The following PKIB variants were observed in gnomAD, a reference collection of about 807,000 sequenced individuals.
The protein encoded by PKIB is PKI-beta.
PKIB carries 2 observed loss-of-function variants against 4.5 expected under a neutral mutation model. That is an observed-to-expected ratio of 0.44 (90% CI 0.18 to 1.39). The LOEUF is 1.39. Among genes scored for constraint, PKIB ranks in the 40% most tolerant of loss-of-function variants. The pLI, the probability that PKIB is intolerant of heterozygous loss-of-function variation, is 0.27. For synonymous variants in PKIB, 38 were observed against 36.0 expected (o/e 1.06, Z -0.20); for missense variants, 94 against 92.6 (o/e 1.02, Z -0.06).
chr6:122,540,027 T>G (rs1777542162), intron 2 of PKIB, among the ~76,000 whole-genome samples: 1 of 152,028 alleles, frequency 6.6e-6, no homozygotes, highest in South Asian at 2.1e-4. Context: ...GGTGGTGATA[T>G]CCCCTTTATC....
chr6:122,703,634 G>A (rs1191067070), intron 3 of PKIB, among the ~76,000 whole-genome samples: 2 of 151,868 alleles, frequency 1.3e-5, no homozygotes, highest in African/African-American at 4.8e-5. Flanking sequence ...CAGCTGATTA[G>A]ACACAGCTGA....
chr6:122,595,746 C>G (rs1409757324), intron 3 of PKIB, among the ~76,000 whole-genome samples: 1 of 152,172 alleles, frequency 6.6e-6, no homozygotes, highest in Non-Finnish European at 1.5e-5. Context: ...AGTGAAAGTC[C>G]ATGTTGCTGA....
At chr6:122,537,571 T>C (rs984125838) in intron 2 of PKIB, among the ~76,000 whole-genome samples, 3 of 152,196 alleles carry the variant, frequency 2.0e-5, no homozygotes, top group Non-Finnish European at 2.9e-5. Context: ...CTTCATCCAG[T>C]CTATCGTTGT....
intron 2 of PKIB, among the ~76,000 whole-genome samples, chr6:122,571,612 T>G (rs1284912395): frequency 6.6e-6 from 1 of 152,096 alleles, no homozygotes; most frequent in African/African-American, 2.4e-5. Flanking sequence ...CCTTAAATTG[T>G]CAGCCAAGAA....
chr6:122,635,807 A>C (rs1218203171), intron 2 of PKIB, among the ~76,000 whole-genome samples: 2 of 152,044 alleles, frequency 1.3e-5, no homozygotes, highest in Non-Finnish European at 2.9e-5. Context: ...ACTTTTAAGA[A>C]ACCACACATA....
intron 2 of PKIB, among the ~76,000 whole-genome samples, chr6:122,569,958 G>A (rs1044107321): frequency 1.3e-5 from 2 of 152,092 alleles, no homozygotes; most frequent in African/African-American, 4.8e-5. Context: ...TCTTGGAGAC[G>A]GTGTCCTTAT....
chr6:122,494,661 A>T (rs914565283), intron 2 of PKIB, among the ~76,000 whole-genome samples: 1 of 152,218 alleles, frequency 6.6e-6, no homozygotes. Flanking sequence ...GAAACAGGGT[A>T]GAGAGTAAAC....
At chr6:122,617,956 CTTAAAA>C (rs1775065041) in intron 1 of PKIB, among the ~76,000 whole-genome samples, 1 of 151,978 alleles carries the variant, frequency 6.6e-6, no homozygotes, top group Non-Finnish European at 1.5e-5. Flanking sequence ...ATTTCTTCCT[CTTAAAA>C]TTACTATTGC....
intron 2 of PKIB, among the ~76,000 whole-genome samples, chr6:122,538,836 G>A (rs1406107466): frequency 6.6e-6 from 1 of 152,052 alleles, no homozygotes; most frequent in Non-Finnish European, 1.5e-5. Flanking sequence ...CCATTTGTTT[G>A]TATCCTCTTT....
chr6:122,528,862 A>G (rs1355561835), intron 2 of PKIB, among the ~76,000 whole-genome samples: 1 of 152,160 alleles, frequency 6.6e-6, no homozygotes, highest in African/African-American at 2.4e-5. Flanking sequence ...GTGACAGAGT[A>G]AGACCTTATT....
At chr6:122,531,012 C>T (rs985797028) in intron 2 of PKIB, 1 of 152,170 alleles carries the variant, frequency 6.6e-6, no homozygotes, top group East Asian at 1.9e-4. Context: ...TTATTGTCAA[C>T]TCAGTGTCTA....
chr6:122,718,466 A>T (rs1362693867), intron 4 of PKIB, among the ~76,000 whole-genome samples: 4 of 152,218 alleles, frequency 2.6e-5, no homozygotes, highest in Non-Finnish European at 1.5e-5. Flanking sequence ...GATACTTTAT[A>T]TGAAAGTATA....
At chr6:122,705,008 A>T (rs1778998567) in intron 3 of PKIB, among the ~76,000 whole-genome samples, 1 of 152,156 alleles carries the variant, frequency 6.6e-6, no homozygotes, top group African/African-American at 2.4e-5. Flanking sequence ...GTGAGTTGTG[A>T]TCATGTCACT....
intron 2 of PKIB, among the ~76,000 whole-genome samples, chr6:122,538,965 T>G (rs1172354464): frequency 2.0e-5 from 3 of 152,068 alleles, no homozygotes; most frequent in Non-Finnish European, 4.4e-5. Flanking sequence ...AGTTCACTCG[T>G]GATTTGGCTC....
intron 2 of PKIB, among the ~76,000 whole-genome samples, chr6:122,659,164 A>C (rs940636505): frequency 6.6e-6 from 1 of 152,178 alleles, no homozygotes; most frequent in African/African-American, 2.4e-5. Context: ...AAGTTTAAAG[A>C]TCTCTAGCTC....
At chr6:122,663,843 C>T (rs901185621) in intron 2 of PKIB, among the ~76,000 whole-genome samples, 5 of 152,004 alleles carry the variant, frequency 3.3e-5, no homozygotes, top group African/African-American at 9.7e-5. Context: ...TCGGGGGAAA[C>T]GATGCAACCC....
chr6:122,612,459 C>T (rs1338599581), intron 1 of PKIB, among the ~76,000 whole-genome samples: 2 of 152,078 alleles, frequency 1.3e-5, no homozygotes, highest in African/African-American at 4.8e-5. Flanking sequence ...TGTCTTTGTT[C>T]CCACTCCCAT....
chr6:122,696,829 C>T (rs1353666978), intron 3 of PKIB, among the ~76,000 whole-genome samples: 1 of 152,198 alleles, frequency 6.6e-6, no homozygotes, highest in African/African-American at 2.4e-5. Flanking sequence ...TCAGCGTGGA[C>T]ACAGGATATG....
At chr6:122,543,618 A>C (rs1264495070) in intron 2 of PKIB, among the ~76,000 whole-genome samples, 1 of 151,774 alleles carries the variant, frequency 6.6e-6, no homozygotes, top group Non-Finnish European at 1.5e-5. Flanking sequence ...GACCTCACAT[A>C]ATCTACCCAC....
Sources: allele counts gnomAD v4.1 joint callset (sites outside exome capture counted in the v4.1 genomes callset), GRCh38; gene constraint gnomAD v4.1.1; transcripts MANE v1.5; gene names NCBI Gene and HGNC (gene_info 2026-07-23, HGNC 2026-07-21).